The following GPC5 variants were observed in gnomAD, a reference collection of about 807,000 sequenced individuals.
GPC5 encodes the protein glypican 5, also known as glypican-5.
In GPC5, 47 loss-of-function variants were observed where a neutral mutation model predicts 53.9. That is an observed-to-expected ratio of 0.87 (90% confidence interval 0.69 to 1.11). The LOEUF is 1.11. Among genes scored for constraint, GPC5 ranks in the 50% most tolerant of loss-of-function variants. The probability of loss-of-function intolerance (pLI) is 0.00; values close to 1 mark genes in which losing one functional copy is unlikely to be tolerated. For synonymous variants in GPC5, 286 were observed against 263.3 expected (o/e 1.09, Z -0.84); for missense variants, 748 against 713.1 (o/e 1.05, Z -0.56).
At chr13:91,463,118 G>C (rs1216195510) in intron 2 of GPC5, among the ~76,000 whole-genome samples, 1 of 151,814 alleles carries the variant, frequency 6.6e-6, no homozygotes, top group Non-Finnish European at 1.5e-5. Context: ...AGAAGCTCAG[G>C]CCCCCCATAT....
chr13:92,748,193 A>G (rs1889285543), intron 7 of GPC5, among the ~76,000 whole-genome samples: 1 of 152,088 alleles, frequency 6.6e-6, no homozygotes, highest in Non-Finnish European at 1.5e-5. Context: ...TAAATCATGG[A>G]GTATGAACTC....
intron 7 of GPC5, among the ~76,000 whole-genome samples, chr13:92,342,293 G>T (rs952504041): frequency 1.3e-5 from 2 of 152,112 alleles, no homozygotes; most frequent in African/African-American, 4.8e-5. Flanking sequence ...GAATATTGCA[G>T]TAGCCTCCTA....
intron 7 of GPC5, among the ~76,000 whole-genome samples, chr13:92,186,101 A>G (rs2042181941): frequency 6.6e-6 from 1 of 152,158 alleles, no homozygotes; most frequent in Non-Finnish European, 1.5e-5. Flanking sequence ...ATATTTCAAG[A>G]CCACAGATCC....
intron 1 of GPC5, among the ~76,000 whole-genome samples, chr13:91,429,376 C>T (rs925021759): frequency 4.0e-5 from 6 of 151,824 alleles, no homozygotes; most frequent in Non-Finnish European, 5.9e-5. Context: ...GTCTATGTCC[C>T]CAAGAAGGTG....
In GPC5 at chr13:92,173,032, T is replaced by TCACC. The variant is rs965249924; in HGVS notation, c.1561+28044_1561+28047dup. Among the ~76,000 whole-genome samples, 7 of 122,146 alleles carry TCACC rather than the reference T, an allele frequency of 5.7e-5. No homozygotes were observed. The Admixed American group carries it at 6.0e-4, about 10-fold the overall frequency. 80.1% of individuals were successfully genotyped at this position (122,146 alleles called of 152,430 possible). A position where few individuals can be genotyped will look rare whatever the true frequency, so the allele number is the denominator to read the frequency against. ...TAAGTCTTATTACATGTTATCTGTA[T>TCACC]CACCACCAAAGCTTTTTTTGGTTAA... On this transcript the variant is annotated intron_variant, in intron 7 of 7. Coordinates refer to ENST00000377067, the MANE Select transcript of GPC5 (RefSeq NM_004466.6).
chr13:91,848,980 C>A (rs2138886825), intron 5 of GPC5, among the ~76,000 whole-genome samples: 1 of 152,250 alleles, frequency 6.6e-6, no homozygotes, highest in East Asian at 1.9e-4. Context: ...TCCCAGAATG[C>A]TTAAATGTGA....
rs55859912 is a variant in GPC5, at chr13:91,715,770, GTC to G, written c.1021-12732_1021-12731del. On this transcript the variant is annotated intron_variant, in intron 3 of 7. Coordinates refer to ENST00000377067, the MANE Select transcript of GPC5 (RefSeq NM_004466.6). ...TTGTTTTTTTTTTTTTTAAGATAGG[GTC>G]TCTCTCTCTCTCTCTCTCTCTCTCT... is the stretch of plus-strand genomic sequence containing the variant. 9.9e-3 allele frequency among the ~76,000 whole-genome samples: 1,306 copies of G among 132,324 alleles called. 9 individuals are homozygous for G. The highest frequency in any genetic ancestry group is 0.018 in the African/African-American group (638 of 35,266). The allele number at this position is 132,324 out of a possible 152,430, so 86.8% of individuals were successfully genotyped here.
intron 6 of GPC5, among the ~76,000 whole-genome samples, chr13:92,139,747 G>C (rs1241894299): frequency 1.3e-5 from 2 of 151,140 alleles, no homozygotes; most frequent in African/African-American, 4.9e-5. Flanking sequence ...CAGTTCATCT[G>C]CCAGTCAATA....
intron 7 of GPC5, among the ~76,000 whole-genome samples, chr13:92,755,958 G>A (rs1462647472): frequency 6.6e-6 from 1 of 151,416 alleles, no homozygotes; most frequent in Non-Finnish European, 1.5e-5. Context: ...GGAAAAGAGG[G>A]AATCCTCCCT....
At chr13:92,514,373 C>G (rs1662332732) in intron 7 of GPC5, among the ~76,000 whole-genome samples, 1 of 152,018 alleles carries the variant, frequency 6.6e-6, no homozygotes, top group Non-Finnish European at 1.5e-5. Flanking sequence ...GAATATTTAT[C>G]AGAAAGAGCC....
At chr13:92,221,597 T>C (rs1370531962) in intron 7 of GPC5, among the ~76,000 whole-genome samples, 1 of 152,140 alleles carries the variant, frequency 6.6e-6, no homozygotes, top group Non-Finnish European at 1.5e-5. Context: ...GCATAGGCAT[T>C]TGGTGGGGAT....
chr13:92,086,699 C>A (rs1400920710), intron 6 of GPC5, among the ~76,000 whole-genome samples: 1 of 151,650 alleles, frequency 6.6e-6, no homozygotes, highest in African/African-American at 2.4e-5. Context: ...TGCTCTGTTC[C>A]CTAGGCTGGA....
At chr13:91,790,966 A>G (rs2037954889) in intron 5 of GPC5, among the ~76,000 whole-genome samples, 1 of 152,182 alleles carries the variant, frequency 6.6e-6, no homozygotes, top group African/African-American at 2.4e-5. Flanking sequence ...TCTCGGTGTG[A>G]ATGAAAGTGT....
chr13:92,445,369 G>T (rs1323937748), intron 7 of GPC5, among the ~76,000 whole-genome samples: 2 of 149,556 alleles, frequency 1.3e-5, no homozygotes, highest in African/African-American at 2.5e-5. Flanking sequence ...CATTGTGCAG[G>T]TTAGTTACAT....
At chr13:92,582,704 G>C (rs1883409714) in intron 7 of GPC5, among the ~76,000 whole-genome samples, 1 of 151,984 alleles carries the variant, frequency 6.6e-6, no homozygotes, top group Non-Finnish European at 1.5e-5. Context: ...TCAGTGTGCG[G>C]ATCTTTCATA....
At chr13:92,250,685 A>G (rs2042686246) in intron 7 of GPC5, among the ~76,000 whole-genome samples, 1 of 152,078 alleles carries the variant, frequency 6.6e-6, no homozygotes, top group Non-Finnish European at 1.5e-5. Context: ...TCATGTTTAT[A>G]AAAAATAACT....
At chr13:92,678,343 T>A (rs916483215) in intron 7 of GPC5, among the ~76,000 whole-genome samples, 3 of 152,172 alleles carry the variant, frequency 2.0e-5, no homozygotes, top group Admixed American at 1.3e-4. Flanking sequence ...CTCAAACTAT[T>A]ATAAAACAGA....
intron 2 of GPC5, among the ~76,000 whole-genome samples, chr13:91,502,487 A>T (rs1012429859): frequency 3.3e-5 from 5 of 152,244 alleles, no homozygotes; most frequent in African/African-American, 1.2e-4. Flanking sequence ...GAGTAGTGTT[A>T]CTTTGCTACC....
chr13:92,613,426 A>G (rs1260115432), intron 7 of GPC5, among the ~76,000 whole-genome samples: 2 of 19,672 alleles, frequency 1.0e-4, no homozygotes, highest in African/African-American at 3.1e-4. Context: ...AATATGATAT[A>G]TATTTATATA....
Sources: allele counts gnomAD v4.1 joint callset (sites outside exome capture counted in the v4.1 genomes callset), GRCh38; gene constraint gnomAD v4.1.1; transcripts MANE v1.5; gene names NCBI Gene and HGNC (gene_info 2026-07-23, HGNC 2026-07-21).